Variants in GALNT17 observed in about 807,000 individuals in gnomAD.
The protein encoded by GALNT17 is UDP-GalNAc:polypeptide N-acetylgalactosaminyltransferase-like 3.
Under a neutral mutation model 63.7 loss-of-function variants are expected in GALNT17, and 29 were observed. The ratio of observed to expected loss-of-function variants is 0.46; its 90% CI spans 0.34 to 0.62. GALNT17 has a LOEUF of 0.62. Ranked by LOEUF, GALNT17 falls within the 20% of genes least tolerant of loss-of-function variation. The pLI is 0.01. For missense variants in GALNT17, 603 were observed against 799.6 expected (o/e 0.75, Z 2.97); for synonymous variants, 305 against 318.3 (o/e 0.96, Z 0.45).
At chr7:71,424,099 C>G (rs1374855814) in intron 5 of GALNT17, among the ~76,000 whole-genome samples, 1 of 152,210 alleles carries the variant, frequency 6.6e-6, no homozygotes, top group Non-Finnish European at 1.5e-5. Flanking sequence ...ACCAACTGTT[C>G]ATCATGCAGT....
intron 6 of GALNT17, among the ~76,000 whole-genome samples, chr7:71,656,368 G>A (rs1316983760): frequency 2.6e-5 from 4 of 152,122 alleles, no homozygotes; most frequent in Non-Finnish European, 5.9e-5. Flanking sequence ...TAGGCAGATG[G>A]GGGAGGAGTG....
At chr7:71,594,150 T>C (rs190531052) in intron 6 of GALNT17, among the ~76,000 whole-genome samples, 2,432 of 152,154 alleles carry the variant, frequency 0.016, 30 homozygotes, top group Non-Finnish European at 0.026. Flanking sequence ...TGGAACGTTA[T>C]CAAAGGAAAA....
intron 5 of GALNT17, among the ~76,000 whole-genome samples, chr7:71,519,998 A>G (rs964929089): frequency 1.3e-5 from 2 of 152,200 alleles, no homozygotes; most frequent in Non-Finnish European, 2.9e-5. Context: ...AAAAACCATT[A>G]TACTGATTAC....
intron 5 of GALNT17, among the ~76,000 whole-genome samples, chr7:71,458,304 T>C (rs1247678547): frequency 2.6e-5 from 4 of 152,184 alleles, no homozygotes; most frequent in African/African-American, 9.7e-5. Flanking sequence ...CCTTGCAGGA[T>C]GTGCTGCAGG....
rs528559738 is a variant in GALNT17 at position 71,412,337 on chromosome 7, C to T, written c.590-3552C>T. ...GTTCTAAGTCTTCTTCCCTGCATTT[C>T]CTGGAACTGTCACCTTCTCTCCTAG... is the stretch of plus-strand genomic sequence containing the variant. On this transcript the variant is annotated intron_variant, in intron 3 of 10. Transcript: ENST00000333538. 1.6e-4 allele frequency among the ~76,000 whole-genome samples: 24 copies of T among 152,208 alleles called. No individual in the cohort carries two copies. In the East Asian group the frequency reaches 3.3e-3, roughly 21 times the overall value.
chr7:71,611,759 G>A (rs2116953436), intron 6 of GALNT17, among the ~76,000 whole-genome samples: 1 of 152,216 alleles, frequency 6.6e-6, no homozygotes, highest in Admixed American at 6.5e-5. Context: ...GGACAAAGCG[G>A]AAGACCATGG....
chr7:71,266,113 C>G (rs778968718), intron 1 of GALNT17, among the ~76,000 whole-genome samples: 1 of 152,100 alleles, frequency 6.6e-6, no homozygotes, highest in Non-Finnish European at 1.5e-5. Flanking sequence ...GCATCTGTGG[C>G]TGCATGGACT....
chr7:71,703,123 T>A (rs145864815), intron 9 of GALNT17, among the ~76,000 whole-genome samples: 1 of 152,224 alleles, frequency 6.6e-6, no homozygotes. Context: ...AGAAAGTGAC[T>A]ACATATAGGA....
intron 1 of GALNT17, among the ~76,000 whole-genome samples, chr7:71,210,997 T>C (rs1789364556): frequency 6.6e-6 from 1 of 152,218 alleles, no homozygotes; most frequent in Non-Finnish European, 1.5e-5. Flanking sequence ...GGAAAAAAGA[T>C]TCAGTCTTAT....
At chr7:71,667,496 GT>G (rs1791002765) in intron 7 of GALNT17, among the ~76,000 whole-genome samples, 1 of 152,120 alleles carries the variant, frequency 6.6e-6, no homozygotes. Flanking sequence ...GTCTGCCTCA[GT>G]TTCCTCATCT....
intron 5 of GALNT17, among the ~76,000 whole-genome samples, chr7:71,487,206 C>T (rs1787925966): frequency 6.6e-6 from 1 of 152,202 alleles, no homozygotes; most frequent in African/African-American, 2.4e-5. Context: ...CATTTCAGAG[C>T]TTGCTGCCAG....
chr7:71,339,928 A>T (rs1214869824), intron 2 of GALNT17, among the ~76,000 whole-genome samples: 1 of 152,202 alleles, frequency 6.6e-6, no homozygotes, highest in Non-Finnish European at 1.5e-5. Flanking sequence ...TACAAGGAAA[A>T]AAAACCACAA....
chr7:71,489,039 G>A (rs1787961755), intron 5 of GALNT17, among the ~76,000 whole-genome samples: 3 of 150,396 alleles, frequency 2.0e-5, no homozygotes, highest in South Asian at 2.1e-4. Context: ...GACTACAGGC[G>A]AGCACCACCA....
At chr7:71,148,175 C>T (rs1411942114) in intron 1 of GALNT17, among the ~76,000 whole-genome samples, 3 of 152,186 alleles carry the variant, frequency 2.0e-5, no homozygotes, top group Middle Eastern at 3.2e-3. Context: ...AATTTGTCAG[C>T]AAGTAATTTG....
At chr7:71,366,696 A>G (rs945804498) in intron 2 of GALNT17, among the ~76,000 whole-genome samples, 1 of 152,186 alleles carries the variant, frequency 6.6e-6, no homozygotes, top group Non-Finnish European at 1.5e-5. Flanking sequence ...TTTCTTATGC[A>G]TGAATATGTT....
intron 1 of GALNT17, among the ~76,000 whole-genome samples, chr7:71,246,115 G>GTTTTTTTTTTTT (rs61447370): frequency 1.2e-4 from 11 of 92,006 alleles, no homozygotes; most frequent in South Asian, 3.9e-4. Flanking sequence ...TTTTTTCGTT[G>GTTTTTTTTTTTT]TTTTTTTTTT....
intron 9 of GALNT17, among the ~76,000 whole-genome samples, chr7:71,682,221 C>T (rs888091766): frequency 6.6e-6 from 1 of 151,878 alleles, no homozygotes; most frequent in Non-Finnish European, 1.5e-5. Flanking sequence ...GCCACTGCGC[C>T]CGGCCTCAGG....
chr7:71,557,409 A>T (rs1363276556), intron 5 of GALNT17, among the ~76,000 whole-genome samples: 3 of 152,188 alleles, frequency 2.0e-5, no homozygotes, highest in Non-Finnish European at 2.9e-5. Context: ...GAAGTTGAAG[A>T]GGGATTATTG....
chr7:71,635,873 G>A (rs1273371804), intron 6 of GALNT17, among the ~76,000 whole-genome samples: 3 of 152,148 alleles, frequency 2.0e-5, no homozygotes, highest in Non-Finnish European at 2.9e-5. Context: ...CAGTGAGGAC[G>A]ACCAGAGGTC....
Sources: gnomAD v4.1 joint callset for allele counts (sites outside exome capture counted in the v4.1 genomes callset) on GRCh38, gnomAD v4.1.1 for gene constraint, MANE v1.5 for transcripts, NCBI Gene and HGNC (gene_info 2026-07-23, HGNC 2026-07-21) for gene names.